Variants in ZNF177 observed in about 807,000 individuals in gnomAD.
ZNF177 encodes the protein zinc finger protein 177.
A neutral mutation model predicts 19.4 loss-of-function variants in ZNF177; 17 were observed. The observed-to-expected ratio is 0.87, with a 90% CI of 0.60 to 1.31. The LOEUF (loss-of-function observed/expected upper bound fraction) is 1.31, where lower values mean the gene tolerates loss of function less well. Ranked by LOEUF, ZNF177 falls within the 40% of genes most tolerant of loss-of-function variation. The pLI is 0.00. For synonymous variants in ZNF177, 220 were observed against 188.7 expected, an observed-to-expected ratio of 1.17 and a Z score of -1.36; for missense variants, 633 against 561.8, an observed-to-expected ratio of 1.13 and a Z score of -1.28.
downstream of ZNF177, chr19:9,382,315 G>A (rs1334213513): frequency 7.5e-6 from 3 of 398,758 alleles, no homozygotes; most frequent in Non-Finnish European, 1.3e-5. Flanking sequence ...GAAGCTCATG[G>A]AAATGGGAAT....
chr19:9,379,028 G>A (rs773818540), exon 3 of ZNF177: 2 of 1,610,536 alleles, frequency 1.2e-6, no homozygotes, highest in Admixed American at 3.3e-5. Context: ...GCTGGACCCT[G>A]CTCAAAAAAA....
At chr19:9,375,287 C>T (rs1428049987), upstream of ZNF177, among the ~76,000 whole-genome samples, 3 of 151,988 alleles carry the variant, frequency 2.0e-5, no homozygotes, top group East Asian at 3.8e-4. Context: ...GGGATATTGG[C>T]TTGTAGTTTT....
chr19:9,381,892 A>G lies in ZNF177; in HGVS notation c.*115A>G, dbSNP rs776945261. 1.8e-5 allele frequency: 26 copies of G among 1,452,432 alleles called. No individual in the cohort carries two copies. The Middle Eastern group carries it at 7.3e-4, about 41-fold the overall frequency. The allele number at this position is 1,452,432 out of a possible 1,614,324, so 90.0% of individuals were successfully genotyped here. ...AAACAGCCTTCTGGCCCAACTCTGG[A>G]TGCCTGTTATACTGGGACAAACCTT... On this transcript the variant is annotated 3_prime_UTR_variant, in exon 6 of 6. Transcript: ENST00000589262.
exon 6 of ZNF177, chr19:9,381,368 G>A (rs377398946): frequency 1.9e-6 from 3 of 1,611,630 alleles, no homozygotes; most frequent in African/African-American, 2.7e-5. Context: ...AAGGAATGTG[G>A]GAAGGCTTTC....
upstream of ZNF177, among the ~76,000 whole-genome samples, chr19:9,374,655 G>GT (rs549150951): frequency 6.6e-6 from 1 of 151,414 alleles, no homozygotes; most frequent in East Asian, 1.9e-4. Context: ...TATTTTCATA[G>GT]TTTTTTTTAG....
downstream of ZNF177, chr19:9,382,539 T>C: frequency 2.5e-6 from 1 of 396,884 alleles, no homozygotes; most frequent in Non-Finnish European, 4.4e-6. Context: ...AAACCACTCT[T>C]GTGGGAAGTT....
chr19:9,378,178 T>C (rs779555735), intron 1 of ZNF177, 81 bp from the exon 4 acceptor site: 19 of 1,332,784 alleles, frequency 1.4e-5, no homozygotes, highest in Non-Finnish European at 1.3e-5. Flanking sequence ...TGTTACCCTT[T>C]AGTAAGAAGA....
At chr19:9,378,096 A>C (rs755838279) in intron 1 of ZNF177, among the ~76,000 whole-genome samples, 163 bp from the exon 4 acceptor site, 2 of 152,194 alleles carry the variant, frequency 1.3e-5, no homozygotes, top group Admixed American at 6.5e-5. Context: ...AATGCATACT[A>C]TATTTCTAAT....
At chr19:9,380,885 T>C in exon 6 of ZNF177, 1 of 1,536,112 alleles carries the variant, frequency 6.5e-7, no homozygotes, top group Non-Finnish European at 8.7e-7. Flanking sequence ...AGAAAAGCTT[T>C]CAATCAAGAG....
intron 4 of ZNF177, 89 bp downstream of exon 6, chr19:9,379,708 G>C (rs1207859038): frequency 1.6e-5 from 23 of 1,439,200 alleles, no homozygotes; most frequent in Non-Finnish European, 1.8e-5. Context: ...AGAAATCTGA[G>C]GCCATGACAT....
intron 2 of ZNF177, among the ~76,000 whole-genome samples, chr19:9,367,157 A>G (rs956540704): frequency 6.6e-5 from 10 of 152,214 alleles, no homozygotes; most frequent in African/African-American, 2.4e-4. Context: ...CGTCTCTACT[A>G]AAAATACAAA....
intron 2 of ZNF177, among the ~76,000 whole-genome samples, chr19:9,365,504 G>C (rs1374922942): frequency 6.6e-6 from 1 of 151,896 alleles, no homozygotes; most frequent in African/African-American, 2.4e-5. Context: ...AGCGGAGAAG[G>C]GTAGACACAT....
chr19:9,374,580 GATC>G (rs1206378662), upstream of ZNF177, among the ~76,000 whole-genome samples: 1 of 151,976 alleles, frequency 6.6e-6, no homozygotes, highest in African/African-American at 2.4e-5. Context: ...TCAGTGTTGA[GATC>G]ATCTCCTTGG....
chr19:9,363,129 C>T (rs760605699), intron 1 of ZNF177, 45 bp downstream of exon 1: 1 of 152,414 alleles, frequency 6.6e-6, no homozygotes, highest in Non-Finnish European at 1.5e-5. Context: ...GGGAAGGGGT[C>T]AAGGGCACAG....
upstream of ZNF177, among the ~76,000 whole-genome samples, chr19:9,372,442 A>G (rs1192299406): frequency 6.6e-6 from 1 of 151,326 alleles, no homozygotes; most frequent in Non-Finnish European, 1.5e-5. Flanking sequence ...TAAAGCCACT[A>G]TGTACCTACC....
At chr19:9,369,388 T>C (rs1373619369) in intron 2 of ZNF177, among the ~76,000 whole-genome samples, 3 of 152,136 alleles carry the variant, frequency 2.0e-5, no homozygotes, top group Non-Finnish European at 2.9e-5. Context: ...GCCTTTTGTC[T>C]CAAAATCTAT....
chr19:9,379,961 A>G, intron 4 of ZNF177, 96 bp from the exon 7 acceptor site: 2 of 1,370,496 alleles, frequency 1.5e-6, no homozygotes, highest in South Asian at 2.9e-5. Flanking sequence ...TACTTAGAAG[A>G]TATTATTTGA....
In ZNF177 at chr19:9,381,007, C is replaced by G. The variant is rs1664157212; in HGVS notation, c.676C>G (p.Pro226Ala). The G allele has an allele frequency of 1.9e-6, 3 of 1,579,060 alleles. No homozygotes were observed. In the African/African-American group the frequency reaches 4.0e-5, roughly 21 times the overall value. Reference sequence around the variant, plus strand: ...TTCCTGCTCAGTACGTGAGCAAATACCTACTGGAGAGAAAGGTGATGAATG... The same window carrying G: ...TTCCTGCTCAGTACGTGAGCAAATAGCTACTGGAGAGAAAGGTGATGAATG... Residue 226 changes from proline (P) to alanine (A), a missense_variant, in exon 6 of 6, where the codon CCT becomes GCT. Coordinates refer to ENST00000589262, the Ensembl canonical transcript of ZNF177.
chr19:9,378,814 G>A (rs2068147876), intron 2 of ZNF177, 148 bp from the exon 5 acceptor site: 4 of 1,272,378 alleles, frequency 3.1e-6, no homozygotes, highest in Non-Finnish European at 4.2e-6. Context: ...TCAGCTTTAA[G>A]GCAAATTAAG....
Sources: gnomAD v4.1 joint callset for allele counts (sites outside exome capture counted in the v4.1 genomes callset) on GRCh38, gnomAD v4.1.1 for gene constraint, MANE v1.5 for transcripts, NCBI Gene and HGNC (gene_info 2026-07-23, HGNC 2026-07-21) for gene names.